The following TTC6 variants were observed in gnomAD, a reference collection of about 807,000 sequenced individuals.
The protein encoded by TTC6 is tetratricopeptide repeat domain 6.
In TTC6, 172 loss-of-function variants were observed where a neutral mutation model predicts 210.4. The ratio of observed to expected loss-of-function variants is 0.82; its 90% CI spans 0.72 to 0.93. The LOEUF (loss-of-function observed/expected upper bound fraction) is 0.93, where lower values mean the gene tolerates loss of function less well. Ranked by LOEUF, TTC6 falls within the 40% of genes least tolerant of loss-of-function variation. The pLI is 0.00. For synonymous variants in TTC6, 804 were observed against 819.6 expected (o/e 0.98, Z 0.32); for missense variants, 2,414 against 2,318.1 (o/e 1.04, Z -0.85).
chr14:37,792,089 G>A lies in TTC6; in HGVS notation c.3558-175G>A, dbSNP rs559665796. On this transcript the variant is annotated intron_variant, in intron 16 of 30. Coordinates refer to ENST00000553443, the Ensembl canonical transcript of TTC6. ...AATTCCTTACTAAGGGTTTCATAAA[G>A]GTGTTTATAGTTTTTCATAGAGAGC... Among the ~76,000 whole-genome samples the A allele has an allele frequency of 2.7e-4, 41 of 152,202 alleles. No individual in the cohort carries two copies. In the South Asian group the frequency reaches 8.5e-3, roughly 32 times the overall value.
At chr14:37,621,219 T>A (rs930164395), upstream of TTC6, among the ~76,000 whole-genome samples, 1 of 152,216 alleles carries the variant, frequency 6.6e-6, no homozygotes, top group Non-Finnish European at 1.5e-5. Context: ...GCCCTTGCAC[T>A]GACAGACCCT....
At position 37,629,811 on chromosome 14, in the gene TTC6, C is replaced by A. The variant is rs189074249; in HGVS notation, c.939+6808C>A. ...TACCTAGTTTATAGAGCATTTTTAG[C>A]ATGAAGGACTGTTGAATTTTATTGA... On this transcript the variant is annotated intron_variant, in intron 1 of 30. Coordinates refer to ENST00000553443, the Ensembl canonical transcript of TTC6. 9.2e-5 allele frequency among the ~76,000 whole-genome samples: 14 copies of A among 152,232 alleles called. No individual in the cohort carries two copies. In the East Asian group the frequency reaches 2.7e-3, roughly 29 times the overall value.
intron 1 of TTC6, among the ~76,000 whole-genome samples, chr14:37,602,996 TA>T (rs1312043272): frequency 6.6e-6 from 1 of 152,066 alleles, no homozygotes; most frequent in African/African-American, 2.4e-5. Flanking sequence ...GTAGTTTCAA[TA>T]AATAAAGCCC....
intron 1 of TTC6, among the ~76,000 whole-genome samples, chr14:37,630,160 A>C (rs150438807): frequency 6.6e-6 from 1 of 152,112 alleles, no homozygotes; most frequent in Non-Finnish European, 1.5e-5. Context: ...TAGTTCTTTT[A>C]ACCGTCATGT....
intron 1 of TTC6, among the ~76,000 whole-genome samples, chr14:37,599,402 C>G (rs1247222534): frequency 6.6e-6 from 1 of 152,218 alleles, no homozygotes; most frequent in Non-Finnish European, 1.5e-5. Flanking sequence ...GGCCTCAACC[C>G]CGGCTGTGTG....
At chr14:37,797,893 T>C (rs1472581766) in intron 20 of TTC6, among the ~76,000 whole-genome samples, 1 of 152,114 alleles carries the variant, frequency 6.6e-6, no homozygotes. Context: ...CAGTATCCTT[T>C]ATTGAAATGT....
At chr14:37,842,121 A>C (rs1326690632) in intron 30 of TTC6, 34 bp from the exon 33 acceptor site, 1 of 1,467,790 alleles carries the variant, frequency 6.8e-7, no homozygotes, top group Non-Finnish European at 9.0e-7. Context: ...TTGAGTGCCA[A>C]CTTAAATATA....
At chr14:37,681,010 C>A (rs377056510) in intron 2 of TTC6, among the ~76,000 whole-genome samples, 1 of 152,238 alleles carries the variant, frequency 6.6e-6, no homozygotes, top group South Asian at 2.1e-4. Flanking sequence ...GTTAGAGTTA[C>A]CACAAATGGT....
chr14:37,706,857 T>C (rs1196116270), intron 5 of TTC6, among the ~76,000 whole-genome samples: 1 of 152,108 alleles, frequency 6.6e-6, no homozygotes, highest in African/African-American at 2.4e-5. Flanking sequence ...TTGTGTCCCT[T>C]GTAGATTGCA....
At chr14:37,759,262 C>CA (rs71127241) in intron 14 of TTC6, among the ~76,000 whole-genome samples, 30,648 of 119,572 alleles carry the variant, frequency 0.26, 3,517 homozygotes, top group East Asian at 0.49. Context: ...GACTCCATCT[C>CA]AAAAAAAAAA....
intron 5 of TTC6, among the ~76,000 whole-genome samples, chr14:37,710,029 G>C (rs1243818531): frequency 6.6e-6 from 1 of 152,082 alleles, no homozygotes; most frequent in African/African-American, 2.4e-5. Context: ...TTAAAAAATG[G>C]TATCTAGAAT....
upstream of TTC6, among the ~76,000 whole-genome samples, chr14:37,617,760 G>A (rs1174799999): frequency 6.6e-6 from 1 of 152,176 alleles, no homozygotes; most frequent in Non-Finnish European, 1.5e-5. Context: ...TACTAAATGA[G>A]ATAGATTGTC....
chr14:37,746,310 C>T (rs1046664829), intron 10 of TTC6, among the ~76,000 whole-genome samples: 1 of 152,124 alleles, frequency 6.6e-6, no homozygotes, highest in Non-Finnish European at 1.5e-5. Flanking sequence ...TCTGGTCTCT[C>T]CAAGGGTTGG....
intron 7 of TTC6, among the ~76,000 whole-genome samples, chr14:37,729,878 G>A (rs2095881499): frequency 6.6e-6 from 1 of 152,230 alleles, no homozygotes; most frequent in East Asian, 1.9e-4. Flanking sequence ...GTGAATGTAG[G>A]GAGTTGAAGG....
chr14:37,821,621 T>C lies in TTC6; in HGVS notation c.4764-2126T>C, dbSNP rs570862645. ...ATTTGGGAAAACATGGAGCAAGTAT[T>C]GCATGTACCTGTTATTTTTCATGGC... is the stretch of plus-strand genomic sequence containing the variant. On this transcript the variant is annotated intron_variant, in intron 26 of 30. Transcript: ENST00000553443. Among the ~76,000 whole-genome samples the C allele has an allele frequency of 5.9e-5, 9 of 152,204 alleles. No homozygotes were observed. In the South Asian group the frequency reaches 1.9e-3, roughly 32 times the overall value.
In TTC6 at chr14:37,725,008, A is replaced by G. The variant is rs1364920390; in HGVS notation, c.1818+6A>G. 2.8e-6 allele frequency: 4 copies of G among 1,433,330 alleles called. No homozygotes were observed. The Admixed American group carries it at 8.2e-5, about 29-fold the overall frequency. The allele number at this position is 1,433,330 out of a possible 1,614,324, so 88.8% of individuals were successfully genotyped here. A position where few individuals can be genotyped will look rare whatever the true frequency, so the allele number is the denominator to read the frequency against. On this transcript the variant is annotated splice_donor_region_variant and intron_variant, in intron 7 of 30. Transcript: ENST00000553443. The stretch of plus-strand genomic sequence containing the variant: ...CTCTATATCCAAAATATGAGGTAAC[A>G]TACCGAATGGGTTTTCTCTATTATT...
At chr14:37,726,732 ATTGT>A (rs141705019) in intron 7 of TTC6, among the ~76,000 whole-genome samples, 8,641 of 152,114 alleles carry the variant, frequency 0.057, 373 homozygotes, top group Non-Finnish European at 0.089. Flanking sequence ...TGGTAAGGTA[ATTGT>A]TTGATAATTA....
At chr14:37,761,958 T>C (rs1360149469) in intron 14 of TTC6, among the ~76,000 whole-genome samples, 2 of 152,178 alleles carry the variant, frequency 1.3e-5, no homozygotes, top group East Asian at 1.9e-4. Flanking sequence ...AACATTGTAC[T>C]CTTTGACCAA....
chr14:37,734,835 A>T (rs2095897246), intron 7 of TTC6, among the ~76,000 whole-genome samples: 1 of 152,184 alleles, frequency 6.6e-6, no homozygotes, highest in African/African-American at 2.4e-5. Flanking sequence ...ATAAGCAACC[A>T]TTGATTGTTA....
Sources: allele counts gnomAD v4.1 joint callset (sites outside exome capture counted in the v4.1 genomes callset), GRCh38; gene constraint gnomAD v4.1.1; transcripts MANE v1.5; gene names NCBI Gene and HGNC (gene_info 2026-07-23, HGNC 2026-07-21).